The following UBE2L3 variants were observed in gnomAD, a reference collection of about 807,000 sequenced individuals.
UBE2L3 encodes the protein ubiquitin-conjugating enzyme E2 L3.
Under a neutral mutation model 17.8 loss-of-function variants are expected in UBE2L3, and 1 was observed. The ratio of observed to expected loss-of-function variants is 0.06; its 90% confidence interval spans 0.02 to 0.27. The LOEUF is 0.27. UBE2L3 is among the 10% of genes least tolerant of loss of function. UBE2L3 has a pLI of 1.00. For missense variants in UBE2L3, 40 were observed against 192.6 expected (o/e 0.21, Z 4.69); for synonymous variants, 44 against 68.5 (o/e 0.64, Z 1.76).
chr22:21,613,833 C>T (rs995283578), intron 3 of UBE2L3, among the ~76,000 whole-genome samples: 4 of 152,178 alleles, frequency 2.6e-5, no homozygotes, highest in African/African-American at 9.7e-5. Flanking sequence ...TAAGGCACTT[C>T]GGTTCTCTTT....
upstream of UBE2L3, chr22:21,567,599 C>G (rs1483770812): frequency 4.7e-6 from 7 of 1,500,812 alleles, no homozygotes; most frequent in Non-Finnish European, 6.2e-6. Flanking sequence ...ACGCGCCCCC[C>G]AGCACAGTGG....
At chr22:21,614,975 G>GAAACCCTGTCTCTACT (rs1206422343) in intron 3 of UBE2L3, among the ~76,000 whole-genome samples, 63 of 151,924 alleles carry the variant, frequency 4.1e-4, no homozygotes, top group African/African-American at 1.5e-3. Flanking sequence ...CCAACATGGT[G>GAAACCCTGTCTCTACT]AAACCCTGTC....
chr22:21,562,490 A>G (rs539614309), intron 1 of UBE2L3, among the ~76,000 whole-genome samples: 19 of 149,410 alleles, frequency 1.3e-4, no homozygotes, highest in East Asian at 2.0e-4. Flanking sequence ...TCCTGCCTCA[A>G]CCTCCCGAGT....
rs117084849 is a variant in UBE2L3, at chr22:21,611,545, G to C, written c.310+502G>C. Reference sequence around the variant, plus strand: ...GGGGAGGGACAGAGGCAGATGTAAGGGCAGTATTCCCAGATGAAGGCACGT... The same window carrying C: ...GGGGAGGGACAGAGGCAGATGTAAGCGCAGTATTCCCAGATGAAGGCACGT... On this transcript the variant is annotated intron_variant, in intron 3 of 3. Coordinates refer to ENST00000342192, the MANE Select transcript of UBE2L3 (RefSeq NM_003347.4). Among the ~76,000 whole-genome samples the C allele has an allele frequency of 0.011, 1,682 of 152,316 alleles. 72 individuals carry two copies. The South Asian group carries it at 0.12, about 11-fold the overall frequency.
intron 1 of UBE2L3, among the ~76,000 whole-genome samples, chr22:21,586,875 CT>C (rs34463645): frequency 0.026 from 3,096 of 118,904 alleles, 102 homozygotes; most frequent in African/African-American, 0.084. Flanking sequence ...TGTGCCCGGC[CT>C]TTTTTTTTTT....
chr22:21,583,647 T>A lies in UBE2L3; in HGVS notation c.28-9214T>A, dbSNP rs376111001. Among the ~76,000 whole-genome samples, 53 of 152,306 alleles carry A rather than the reference T, an allele frequency of 3.5e-4. No individual in the cohort carries two copies. The East Asian group carries it at 9.1e-3, about 26-fold the overall frequency. On this transcript the variant is annotated intron_variant, in intron 1 of 3. Coordinates refer to ENST00000342192, the MANE Select transcript of UBE2L3 (RefSeq NM_003347.4). ...TTGCCCAGTGCAGGTGGCTTCTTTC[T>A]GACAGCCCTGGCCACTGGCAGCCCT...
At chr22:21,612,638 CTTTTCTTTTTTTTTTTTTTT>C (rs1434467740) in intron 3 of UBE2L3, among the ~76,000 whole-genome samples, 4 of 60,498 alleles carry the variant, frequency 6.6e-5, no homozygotes, top group African/African-American at 2.3e-4. Flanking sequence ...TTTTTCTTTT[CTTTTCTTTTTTTTTTTTTTT>C]TTTTTTTTTT....
chr22:21,585,172 A>G (rs994514118), intron 1 of UBE2L3, among the ~76,000 whole-genome samples: 10 of 152,162 alleles, frequency 6.6e-5, no homozygotes, highest in Non-Finnish European at 1.5e-5. Context: ...CTTCTAAAGT[A>G]TGGTGTCCAG....
intron 3 of UBE2L3, among the ~76,000 whole-genome samples, chr22:21,613,712 C>T (rs931790133): frequency 2.6e-5 from 4 of 152,328 alleles, no homozygotes; most frequent in South Asian, 2.1e-4. Context: ...CATGGTTCTA[C>T]AGCTGACTGT....
At chr22:21,605,766 A>T (rs1929126319) in intron 2 of UBE2L3, among the ~76,000 whole-genome samples, 1 of 152,210 alleles carries the variant, frequency 6.6e-6, no homozygotes, top group African/African-American at 2.4e-5. Context: ...TCAGCCTCCC[A>T]AAGTGTTGGG....
chr22:21,614,783 C>A, intron 3 of UBE2L3: 1 of 302,036 alleles, frequency 3.3e-6, no homozygotes. Context: ...AACTTGTACA[C>A]AGATGTTCAT....
At chr22:21,565,933 T>C (rs1310162404), upstream of UBE2L3, among the ~76,000 whole-genome samples, 2 of 149,932 alleles carry the variant, frequency 1.3e-5, no homozygotes, top group African/African-American at 4.9e-5. Flanking sequence ...CTTATCCTCT[T>C]ACCCACCTCC....
intron 3 of UBE2L3, among the ~76,000 whole-genome samples, chr22:21,619,962 A>G (rs1601447632): frequency 6.6e-6 from 1 of 152,068 alleles, no homozygotes; most frequent in African/African-American, 2.4e-5. Flanking sequence ...ATTTTAATCC[A>G]TTTCTTGTAA....
chr22:21,584,550 C>G (rs934244385), intron 1 of UBE2L3, among the ~76,000 whole-genome samples: 1 of 151,958 alleles, frequency 6.6e-6, no homozygotes, highest in African/African-American at 2.4e-5. Context: ...GTCACCCAGA[C>G]TGGAGTGCAG....
intron 1 of UBE2L3, among the ~76,000 whole-genome samples, chr22:21,559,070 G>T (rs1270933628): frequency 7.9e-5 from 12 of 151,474 alleles, no homozygotes; most frequent in Admixed American, 3.3e-4. Flanking sequence ...AGTGAAGCTG[G>T]ACATGGTGGC....
At chr22:21,558,153 C>T (rs557579385) in intron 1 of UBE2L3, among the ~76,000 whole-genome samples, 24 of 150,830 alleles carry the variant, frequency 1.6e-4, no homozygotes, top group African/African-American at 4.9e-4. Context: ...CTTCTCCTGC[C>T]GGCATGGCCT....
At chr22:21,568,330 C>T in intron 1 of UBE2L3, 6 of 985,550 alleles carry the variant, frequency 6.1e-6, no homozygotes, top group Non-Finnish European at 7.2e-6. Context: ...TGGAATTGCG[C>T]TGGGTCCTAG....
At chr22:21,576,289 ATTTTTGTTTT>A (rs564739097) in intron 1 of UBE2L3, among the ~76,000 whole-genome samples, 66 of 144,514 alleles carry the variant, frequency 4.6e-4, no homozygotes, top group East Asian at 8.3e-4. Context: ...TAATTTTTGC[ATTTTTGTTTT>A]TTTTTGTTTT....
At chr22:21,605,846 CAGGCTAGAG>C (rs1188878460) in intron 2 of UBE2L3, among the ~76,000 whole-genome samples, 1 of 151,912 alleles carries the variant, frequency 6.6e-6, no homozygotes, top group East Asian at 1.9e-4. Flanking sequence ...TTCTGTCACC[CAGGCTAGAG>C]TGTAGAGGTG....
Sources: gnomAD v4.1 joint callset for allele counts (sites outside exome capture counted in the v4.1 genomes callset) on GRCh38, gnomAD v4.1.1 for gene constraint, MANE v1.5 for transcripts, NCBI Gene and HGNC (gene_info 2026-07-23, HGNC 2026-07-21) for gene names.